PDE1C: variants seen among roughly 807,000 people sequenced by gnomAD.
PDE1C encodes phosphodiesterase 1C, also known as dual specificity calcium/calmodulin-dependent 3',5'-cyclic nucleotide phosphodiesterase 1C.
A neutral mutation model predicts 93.1 loss-of-function variants in PDE1C; 62 were observed. The ratio of observed to expected loss-of-function variants is 0.67; its 90% CI spans 0.54 to 0.82. PDE1C has a LOEUF of 0.82. PDE1C is among the 40% of genes least tolerant of loss of function. The pLI, the probability that PDE1C is intolerant of heterozygous loss-of-function variation, is 0.00. For synonymous variants in PDE1C, 325 were observed against 310.1 expected (o/e 1.05, Z -0.50); for missense variants, 742 against 884.6 (o/e 0.84, Z 2.04).
At chr7:32,071,035 G>A, upstream of PDE1C, 2 of 985,374 alleles carry the variant, frequency 2.0e-6, no homozygotes, top group Non-Finnish European at 2.4e-6. Flanking sequence ...GTCTGTCAGC[G>A]CCCGGGCTGG....
At chr7:31,896,627 C>A (rs1799361901) in intron 2 of PDE1C, among the ~76,000 whole-genome samples, 1 of 152,194 alleles carries the variant, frequency 6.6e-6, no homozygotes, top group Non-Finnish European at 1.5e-5. Context: ...ATTGGTGATA[C>A]TATTGGCATT....
At chr7:31,632,262 C>A in the PDE1C span, among the ~76,000 whole-genome samples, 1 of 151,974 alleles carries the variant, frequency 6.6e-6, no homozygotes, top group Non-Finnish European at 1.5e-5. Flanking sequence ...TCCTGGCTAA[C>A]ACGGTGAAAC....
rs966478312 is a variant in PDE1C at position 32,283,652 on chromosome 7, T to C, written c.85+14999A>G. On this transcript the variant is annotated intron_variant, in intron 1 of 18. Transcript: ENST00000396193. The stretch of plus-strand genomic sequence containing the variant: ...CTTGCCATCACCCTGAGGGACACTT[T>C]CAGTGGGATGATTACAGCTGCTATG... Among the ~76,000 whole-genome samples, 4 of 152,314 alleles carry C rather than the reference T, an allele frequency of 2.6e-5. No individual in the cohort carries two copies. In the East Asian group the frequency reaches 7.7e-4, roughly 29 times the overall value.
intron 8 of PDE1C, among the ~76,000 whole-genome samples, chr7:31,849,325 A>T (rs1793036733): frequency 6.6e-6 from 1 of 152,168 alleles, no homozygotes; most frequent in African/African-American, 2.4e-5. Context: ...CTCTGTCCTC[A>T]GAGCAAAGGT....
the PDE1C span, among the ~76,000 whole-genome samples, chr7:31,620,371 G>C: frequency 1.3e-5 from 2 of 151,990 alleles, no homozygotes; most frequent in East Asian, 3.9e-4. Flanking sequence ...AGTAGGGGCA[G>C]ATTGACACCT....
At chr7:31,653,634 TTG>T in the PDE1C span, 1 of 152,314 alleles carries the variant, frequency 6.6e-6, no homozygotes, top group Admixed American at 6.5e-5. Context: ...AAAAAAATCT[TTG>T]TAGCTATCTC....
chr7:31,997,214 A>G (rs919773160), intron 2 of PDE1C, among the ~76,000 whole-genome samples: 1 of 152,212 alleles, frequency 6.6e-6, no homozygotes. Context: ...CATTGGACAA[A>G]TTACTTAAGC....
intron 1 of PDE1C, among the ~76,000 whole-genome samples, chr7:32,226,180 C>CTGG (rs1251793993): frequency 6.6e-6 from 1 of 152,154 alleles, no homozygotes; most frequent in Non-Finnish European, 1.5e-5. Context: ...GTCCCAGGGC[C>CTGG]TGGTTTTAAA....
chr7:31,686,230 A>G, the PDE1C span, among the ~76,000 whole-genome samples: 1 of 152,190 alleles, frequency 6.6e-6, no homozygotes, highest in Non-Finnish European at 1.5e-5. Flanking sequence ...CCTGATACCT[A>G]CCTGATCTCC....
At chr7:31,867,196 G>T (rs929371587) in intron 6 of PDE1C, among the ~76,000 whole-genome samples, 1 of 152,016 alleles carries the variant, frequency 6.6e-6, no homozygotes, top group Non-Finnish European at 1.5e-5. Context: ...AACCCACCAT[G>T]CAAGTTCATG....
chr7:31,815,799 G>A, intron 15 of PDE1C, 125 bp downstream of exon 15: 1 of 730,598 alleles, frequency 1.4e-6, no homozygotes, highest in East Asian at 2.5e-5. Context: ...GGATCAGAAG[G>A]AACTGGATGA....
intron 2 of PDE1C, among the ~76,000 whole-genome samples, chr7:31,999,170 T>C (rs1232590281): frequency 1.3e-5 from 2 of 152,160 alleles, no homozygotes; most frequent in South Asian, 2.1e-4. Context: ...GAGGGGACAG[T>C]TGGGGGCAGA....
chr7:31,643,157 C>T, the PDE1C span: 312 of 1,613,932 alleles, frequency 1.9e-4, 2 homozygotes, highest in African/African-American at 3.8e-3. Flanking sequence ...CACAATGAGT[C>T]TCAAAGGTCA....
chr7:31,873,325 T>C lies in PDE1C; in HGVS notation c.576A>G (p.Leu192=), dbSNP rs1796161379. The stretch of plus-strand genomic sequence containing the variant: ...GGCTGATCAGATCATAACGTGTGAG[T>C]AGTTCATAGAAAATAAATTTCAGTG... ...DHALKFIFYE[L]LTRYDLISRF... Residue 192 remains leucine (L), a synonymous_variant, in exon 6 of 18, where the codon CTA becomes CTG. Transcript: ENST00000396191. 1 of 1,612,838 alleles carries C rather than the reference T, an allele frequency of 6.2e-7. No homozygotes were observed.
chr7:32,160,519 A>C (rs1287811790), intron 3 of PDE1C, among the ~76,000 whole-genome samples: 1 of 152,160 alleles, frequency 6.6e-6, no homozygotes, highest in Non-Finnish European at 1.5e-5. Flanking sequence ...TCTATCCTCC[A>C]ATAAGCCAAG....
At chr7:32,245,828 G>A (rs548336985) in intron 1 of PDE1C, among the ~76,000 whole-genome samples, 3 of 152,116 alleles carry the variant, frequency 2.0e-5, no homozygotes, top group Non-Finnish European at 2.9e-5. Context: ...ACTAGCAAGC[G>A]CTCTGGGGTC....
intron 17 of PDE1C, 104 bp from the exon 18 acceptor site, chr7:31,753,657 A>G: frequency 7.1e-7 from 1 of 1,411,536 alleles, no homozygotes; most frequent in Non-Finnish European, 9.3e-7. Context: ...TGTTTCCTCC[A>G]AGACCAGGAA....
intron 7 of PDE1C, among the ~76,000 whole-genome samples, chr7:31,863,257 A>G (rs1304538127): frequency 6.6e-6 from 1 of 151,926 alleles, no homozygotes; most frequent in Non-Finnish European, 1.5e-5. Flanking sequence ...TTTCTATTAC[A>G]CTCGTTAATT....
Position 32,374,129 on chromosome 7 carries a change from A to AG in PDE1C, c.310+53692_310+53693insC, listed in dbSNP as rs60579589. On this transcript the variant is annotated intron_variant, in intron 1 of 1. Transcript: ENST00000672256. ...GAAGGAAGGAAGGAAGGAGAGAGAG[A>AG]AGAAAGAGACGAAAGAATGAAAGAA... Among the ~76,000 whole-genome samples, 15 of 135,580 alleles carry AG rather than the reference A, an allele frequency of 1.1e-4. 2 individuals are homozygous for AG. Among genetic ancestry groups the AG allele is most frequent in the Admixed American group, 3.0e-4 (4 of 13,178 alleles). 88.9% of individuals were successfully genotyped at this position (135,580 alleles called of 152,430 possible).
Sources: gnomAD v4.1 joint callset for allele counts (sites outside exome capture counted in the v4.1 genomes callset) on GRCh38, gnomAD v4.1.1 for gene constraint, MANE v1.5 for transcripts, NCBI Gene and HGNC (gene_info 2026-07-23, HGNC 2026-07-21) for gene names.